The following TGFA variants were observed in gnomAD, a reference collection of about 807,000 sequenced individuals.
The protein encoded by TGFA is protransforming growth factor alpha.
A neutral mutation model predicts 21.7 loss-of-function variants in TGFA; 12 were observed. The ratio of observed to expected loss-of-function variants is 0.55; its 90% CI spans 0.35 to 0.90. The LOEUF (loss-of-function observed/expected upper bound fraction) is 0.90, where lower values mean the gene tolerates loss of function less well. TGFA is among the 40% of genes least tolerant of loss of function. The pLI is 0.01. For missense variants in TGFA, 178 were observed against 210.8 expected (o/e 0.84, Z 0.96); for synonymous variants, 79 against 88.1 (o/e 0.90, Z 0.58).
intron 5 of TGFA, chr2:70,451,681 TA>T (rs1670063223): frequency 1.5e-6 from 1 of 679,620 alleles, no homozygotes; most frequent in African/African-American, 1.8e-5. Context: ...CTTAAAAGAT[TA>T]AAAACATTTT....
chr2:70,519,775 C>CA (rs1308679383), intron 1 of TGFA, among the ~76,000 whole-genome samples: 1 of 152,122 alleles, frequency 6.6e-6, no homozygotes, highest in Non-Finnish European at 1.5e-5. Flanking sequence ...CTGACAATAG[C>CA]AAAAAACAAA....
intron 2 of TGFA, among the ~76,000 whole-genome samples, chr2:70,476,211 C>T (rs2103737999): frequency 6.6e-6 from 1 of 151,740 alleles, no homozygotes; most frequent in African/African-American, 2.4e-5. Flanking sequence ...CAAATCATTT[C>T]CTTCTTTCAT....
At chr2:70,529,896 C>T (rs1553503538) in intron 1 of TGFA, among the ~76,000 whole-genome samples, 1 of 152,110 alleles carries the variant, frequency 6.6e-6, no homozygotes, top group African/African-American at 2.4e-5. Context: ...GTGGGGTGGC[C>T]ACTGGGACAT....
chr2:70,475,282 T>C (rs1553494043), intron 2 of TGFA, among the ~76,000 whole-genome samples: 1 of 152,216 alleles, frequency 6.6e-6, no homozygotes, highest in African/African-American at 2.4e-5. Flanking sequence ...GTCCACCTAC[T>C]GCAAGTGCTA....
chr2:70,491,798 T>G (rs147450907), intron 2 of TGFA, among the ~76,000 whole-genome samples: 214 of 152,248 alleles, frequency 1.4e-3, no homozygotes, highest in African/African-American at 4.8e-3. Flanking sequence ...TGTGCAAGAT[T>G]CCATGGCTCT....
chr2:70,553,528 C>A, intron 1 of TGFA, 200 bp downstream of exon 1: 1 of 1,376,060 alleles, frequency 7.3e-7, no homozygotes, highest in Non-Finnish European at 9.3e-7. Flanking sequence ...CCCGGGGAAG[C>A]CTCGGCGCTC....
intron 1 of TGFA, among the ~76,000 whole-genome samples, chr2:70,530,096 C>A (rs1475574344): frequency 1.3e-5 from 2 of 152,180 alleles, no homozygotes; most frequent in African/African-American, 4.8e-5. Flanking sequence ...CTGCAAGAAC[C>A]TTTCCTGACC....
intron 1 of TGFA, among the ~76,000 whole-genome samples, chr2:70,543,059 C>T (rs782326618): frequency 2.0e-5 from 3 of 151,580 alleles, no homozygotes; most frequent in South Asian, 2.1e-4. Context: ...GCCAAGATTG[C>T]GCCATTGCAC....
chr2:70,550,596 G>A (rs1553506660), intron 1 of TGFA, among the ~76,000 whole-genome samples: 1 of 152,116 alleles, frequency 6.6e-6, no homozygotes, highest in African/African-American at 2.4e-5. Context: ...TGAGGTGGGT[G>A]GATCACGCGG....
intron 2 of TGFA, among the ~76,000 whole-genome samples, chr2:70,480,841 A>T (rs1458981290): frequency 1.4e-5 from 2 of 147,702 alleles, no homozygotes; most frequent in African/African-American, 5.0e-5. Context: ...GTGTGCCAGG[A>T]TTCCCCGTGA....
intron 2 of TGFA, among the ~76,000 whole-genome samples, chr2:70,493,667 G>A (rs1330647518): frequency 6.6e-6 from 1 of 152,062 alleles, no homozygotes; most frequent in African/African-American, 2.4e-5. Flanking sequence ...AAATCTACTC[G>A]GCAGCCTCAC....
chr2:70,552,823 G>A (rs1229267630), intron 1 of TGFA, among the ~76,000 whole-genome samples: 1 of 152,188 alleles, frequency 6.6e-6, no homozygotes, highest in Admixed American at 6.5e-5. Context: ...TCACTTCACG[G>A]AAGACTAGCA....
At chr2:70,457,122 G>A (rs782767280) in intron 3 of TGFA, among the ~76,000 whole-genome samples, 2 of 152,160 alleles carry the variant, frequency 1.3e-5, no homozygotes, top group South Asian at 2.1e-4. Context: ...CTGAATGTGC[G>A]TGTAGCCTGT....
intron 1 of TGFA, among the ~76,000 whole-genome samples, chr2:70,552,112 A>G (rs1553506908): frequency 6.6e-6 from 1 of 152,242 alleles, no homozygotes; most frequent in Non-Finnish European, 1.5e-5. Context: ...TATAATGACC[A>G]CAAGTTAGGT....
chr2:70,539,771 T>A (rs1673085222), intron 1 of TGFA, among the ~76,000 whole-genome samples: 1 of 152,208 alleles, frequency 6.6e-6, no homozygotes, highest in Non-Finnish European at 1.5e-5. Flanking sequence ...GATATTTCAA[T>A]CTTGCATCCT....
intron 2 of TGFA, among the ~76,000 whole-genome samples, chr2:70,505,869 T>A (rs1229919261): frequency 6.6e-6 from 1 of 152,214 alleles, no homozygotes; most frequent in African/African-American, 2.4e-5. Context: ...CACATTCTGA[T>A]AACGTAATTG....
intron 2 of TGFA, among the ~76,000 whole-genome samples, chr2:70,501,465 G>C (rs543215636): frequency 1.0e-3 from 154 of 152,118 alleles, no homozygotes; most frequent in African/African-American, 3.6e-3. Flanking sequence ...GCCCAGTACA[G>C]CCCTCTGCAG....
At chr2:70,477,464 A>G (rs1670973524) in intron 2 of TGFA, among the ~76,000 whole-genome samples, 1 of 152,178 alleles carries the variant, frequency 6.6e-6, no homozygotes, top group Non-Finnish European at 1.5e-5. Flanking sequence ...TCTCTGAAGG[A>G]GGCAGGGAAT....
In TGFA at chr2:70,448,348, G is replaced by GT. The variant is rs1553489021; in HGVS notation, c.*2510dup. ...TTTTTTTAAATGGGGGCTTTTCATT[G>GT]TCTCCTGAGCCATTGGAAACAGCGA... On this transcript the variant is annotated 3_prime_UTR_variant, in exon 6 of 6. Transcript: ENST00000295400. 1 of 152,094 alleles carries GT rather than the reference G, an allele frequency of 6.6e-6. No homozygotes were observed. The highest frequency in any genetic ancestry group is 6.5e-5 in the Admixed American group (1 of 15,274). The allele number at this position is 152,094 out of a possible 1,614,324, so 9.4% of individuals were successfully genotyped here.
Sources: allele counts gnomAD v4.1 joint callset (sites outside exome capture counted in the v4.1 genomes callset), GRCh38; gene constraint gnomAD v4.1.1; transcripts MANE v1.5; gene names NCBI Gene and HGNC (gene_info 2026-07-23, HGNC 2026-07-21).